The following SUB1 variants were observed in gnomAD, a reference collection of about 807,000 sequenced individuals.
The protein encoded by SUB1 is activated RNA polymerase II transcriptional coactivator p15.
Under a neutral mutation model 16.9 loss-of-function variants are expected in SUB1, and 1 was observed. The observed-to-expected ratio is 0.06, with a 90% CI of 0.02 to 0.28. SUB1 has a LOEUF of 0.28. Ranked by LOEUF, SUB1 falls within the 10% of genes least tolerant of loss-of-function variation. The pLI, the probability that SUB1 is intolerant of heterozygous loss-of-function variation, is 1.00. For synonymous variants in SUB1, 51 were observed against 46.9 expected, an observed-to-expected ratio of 1.09 and a Z score of -0.36; for missense variants, 84 against 145.2, an observed-to-expected ratio of 0.58 and a Z score of 2.16.
intron 2 of SUB1, among the ~76,000 whole-genome samples, chr5:32,590,902 G>A (rs1253117901): frequency 6.6e-6 from 1 of 151,502 alleles, no homozygotes; most frequent in Non-Finnish European, 1.5e-5. Flanking sequence ...TAGTAGCTGG[G>A]ATTATAGGTG....
At chr5:32,590,665 G>A (rs1305750012) in intron 2 of SUB1, among the ~76,000 whole-genome samples, 2 of 150,840 alleles carry the variant, frequency 1.3e-5, no homozygotes, top group African/African-American at 2.4e-5. Context: ...GCGCGATCTC[G>A]GCTCACTGCA....
At chr5:32,587,835 C>A (rs1000148010) in intron 1 of SUB1, among the ~76,000 whole-genome samples, 1 of 152,150 alleles carries the variant, frequency 6.6e-6, no homozygotes, top group Non-Finnish European at 1.5e-5. Context: ...TCTCGAACTC[C>A]TGACCTCAGG....
At chr5:32,586,748 G>A (rs1738681314) in intron 1 of SUB1, among the ~76,000 whole-genome samples, 1 of 152,190 alleles carries the variant, frequency 6.6e-6, no homozygotes, top group South Asian at 2.1e-4. Flanking sequence ...TAACTAAATT[G>A]ATTTTAGAGA....
chr5:32,590,762 A>ATTTTTTTTTTTTTTTTTT lies in SUB1; in HGVS notation c.73-795_73-778dup, dbSNP rs70961652. ...AGGCGTGTGCCACCACGCCTGGCTA[A>ATTTTTTTTTTTTTTTTTT]TTTTTTTTTTTTTTTTTTTTTTTGA... On this transcript the variant is annotated intron_variant, in intron 2 of 4. Coordinates refer to ENST00000265073, the MANE Select transcript of SUB1 (RefSeq NM_006713.4). Among the ~76,000 whole-genome samples, 42 of 33,980 alleles carry ATTTTTTTTTTTTTTTTTT rather than the reference A, an allele frequency of 1.2e-3. 16 individuals are homozygous for ATTTTTTTTTTTTTTTTTT. The highest frequency in any genetic ancestry group is 4.6e-3 in the South Asian group (2 of 432). 22.3% of individuals were successfully genotyped at this position (33,980 alleles called of 152,430 possible).
In SUB1 at chr5:32,601,225, T is replaced by C. The variant is rs1739106801; in HGVS notation, c.*141T>C. ...AATTTGTAAGATGAATACTTTTTTT[T>C]AATGTGCATTATTAAAAATATTGAG... On this transcript the variant is annotated 3_prime_UTR_variant, in exon 5 of 5. Transcript: ENST00000265073. 1 of 647,384 alleles carries C rather than the reference T, an allele frequency of 1.5e-6. No individual in the cohort carries two copies. The highest frequency in any genetic ancestry group is 2.9e-5 in the East Asian group (1 of 33,912). The allele number at this position is 647,384 out of a possible 1,614,324, so 40.1% of individuals were successfully genotyped here. A position where few individuals can be genotyped will look rare whatever the true frequency, so the allele number is the denominator to read the frequency against.
At chr5:32,595,868 A>G in intron 3 of SUB1, 1 of 152,154 alleles carries the variant, frequency 6.6e-6, no homozygotes, top group Non-Finnish European at 1.5e-5. Context: ...ATGGTAGCTC[A>G]TGGTGGTTTT....
intron 2 of SUB1, among the ~76,000 whole-genome samples, chr5:32,589,747 G>A (rs1005999056): frequency 6.6e-6 from 1 of 152,144 alleles, no homozygotes; most frequent in East Asian, 1.9e-4. Flanking sequence ...TAAGTTGGTC[G>A]TGTTTTTCCT....
At chr5:32,597,950 C>T (rs931209349) in intron 3 of SUB1, 2 of 152,096 alleles carry the variant, frequency 1.3e-5, no homozygotes, top group Non-Finnish European at 2.9e-5. Flanking sequence ...TTTACGTTGT[C>T]TGTTTATAAG....
At chr5:32,585,739 C>G (rs1350912002) in intron 1 of SUB1, 114 bp downstream of exon 1, 1 of 151,098 alleles carries the variant, frequency 6.6e-6, no homozygotes, top group East Asian at 1.9e-4. Flanking sequence ...CGGGAAATGG[C>G]GGCTCTGCCT....
chr5:32,600,819 G>A (rs1411849216), intron 4 of SUB1, among the ~76,000 whole-genome samples, 186 bp from the exon 5 acceptor site: 1 of 152,048 alleles, frequency 6.6e-6, no homozygotes, highest in African/African-American at 2.4e-5. Flanking sequence ...GGGCCAGGCT[G>A]GTCTTGAACT....
At position 32,601,738 on chromosome 5, in the gene SUB1, A is replaced by T. The variant is rs1739119767; in HGVS notation, c.*654A>T. On this transcript the variant is annotated 3_prime_UTR_variant, in exon 5 of 5. Transcript: ENST00000265073. Reference sequence around the variant, plus strand: ...CGAATCTACTGTATTCAATATTAGCAGATCTAATTTGATAAACAACATGGC... The same window carrying T: ...CGAATCTACTGTATTCAATATTAGCTGATCTAATTTGATAAACAACATGGC... 6.5e-6 allele frequency: 1 copy of T among 153,844 alleles called. No individual in the cohort carries two copies. Among genetic ancestry groups the T allele is most frequent in the Non-Finnish European group, 1.4e-5 (1 of 69,146 alleles). 9.5% of individuals were successfully genotyped at this position (153,844 alleles called of 1,614,324 possible). A position where few individuals can be genotyped will look rare whatever the true frequency, so the allele number is the denominator to read the frequency against.
chr5:32,586,525 T>G, intron 1 of SUB1: 1 of 152,102 alleles, frequency 6.6e-6, no homozygotes, highest in East Asian at 1.9e-4. Flanking sequence ...TGTTAAAAGT[T>G]TAGAGGCTGG....
chr5:32,592,954 G>A (rs926180199), intron 3 of SUB1, among the ~76,000 whole-genome samples: 3 of 152,184 alleles, frequency 2.0e-5, no homozygotes, highest in Admixed American at 6.5e-5. Context: ...GCAAGAAAAG[G>A]ATGAGTGTTT....
intron 2 of SUB1, among the ~76,000 whole-genome samples, chr5:32,589,529 G>C (rs1738763745): frequency 6.6e-6 from 1 of 152,200 alleles, no homozygotes; most frequent in Non-Finnish European, 1.5e-5. Context: ...TCAGCACGCA[G>C]TAAAGCTAAC....
chr5:32,588,283 C>T (rs1005550827), intron 1 of SUB1, among the ~76,000 whole-genome samples: 1 of 152,106 alleles, frequency 6.6e-6, no homozygotes, highest in Non-Finnish European at 1.5e-5. Flanking sequence ...GAGTGTATGA[C>T]ATTTAGTTCA....
chr5:32,598,935 T>C (rs1739048710), intron 3 of SUB1, 26 bp from the exon 4 acceptor site: 1 of 1,567,148 alleles, frequency 6.4e-7, no homozygotes, highest in African/African-American at 1.4e-5. Context: ...AAGGAGCACC[T>C]CTTTTTATGT....
chr5:32,595,609 A>G (rs1418254846), intron 3 of SUB1: 5 of 152,214 alleles, frequency 3.3e-5, no homozygotes, highest in African/African-American at 7.2e-5. Flanking sequence ...TAGGAATACA[A>G]CTGCTGTGAA....
intron 4 of SUB1, among the ~76,000 whole-genome samples, chr5:32,599,700 GTT>G (rs760992493): frequency 3.5e-5 from 5 of 143,046 alleles, no homozygotes; most frequent in Admixed American, 7.0e-5. Context: ...GCTTCATGCA[GTT>G]TTTTTTTTTT....
intron 1 of SUB1, among the ~76,000 whole-genome samples, chr5:32,587,224 A>G (rs559796518): frequency 3.8e-4 from 58 of 152,220 alleles, no homozygotes; most frequent in Non-Finnish European, 5.4e-4. Context: ...TAAATGGGTT[A>G]ATAGGACCTA....
Sources: allele counts gnomAD v4.1 joint callset (sites outside exome capture counted in the v4.1 genomes callset), GRCh38; gene constraint gnomAD v4.1.1; transcripts MANE v1.5; gene names NCBI Gene and HGNC (gene_info 2026-07-23, HGNC 2026-07-21).